Variants in TECRL observed in about 807,000 individuals in gnomAD.
TECRL encodes the protein trans-2,3-enoyl-CoA reductase like.
In TECRL, 63 loss-of-function variants were observed where a neutral mutation model predicts 52.8. The observed-to-expected ratio is 1.19, with a 90% confidence interval of 0.97 to 1.47. The LOEUF (loss-of-function observed/expected upper bound fraction) is 1.47. TECRL is among the 40% of genes most tolerant of loss of function. The pLI is 0.00. For missense variants in TECRL, 482 were observed against 429.6 expected, an observed-to-expected ratio of 1.12 and a Z score of -1.08; for synonymous variants, 164 against 141.9, an observed-to-expected ratio of 1.16 and a Z score of -1.10.
intron 1 of TECRL, among the ~76,000 whole-genome samples, chr4:64,385,264 A>G (rs1319926680): frequency 6.6e-6 from 1 of 152,032 alleles, no homozygotes; most frequent in Non-Finnish European, 1.5e-5. Flanking sequence ...CTTGTGGAGT[A>G]GTATTGTTGT....
chr4:64,299,808 A>G (rs917176125), intron 8 of TECRL, among the ~76,000 whole-genome samples, 166 bp downstream of exon 8: 1 of 150,902 alleles, frequency 6.6e-6, no homozygotes, highest in Non-Finnish European at 1.5e-5. Context: ...AGAGAGCTAA[A>G]GACTTGATTA....
intron 9 of TECRL, 143 bp downstream of exon 9, chr4:64,289,567 A>C (rs116187793): frequency 4.6e-6 from 3 of 651,730 alleles, no homozygotes; most frequent in Non-Finnish European, 7.5e-6. Context: ...ATTTGGAAAA[A>C]CTAGACATAA....
intron 9 of TECRL, among the ~76,000 whole-genome samples, chr4:64,285,631 A>C (rs1723041247): frequency 6.6e-6 from 1 of 152,178 alleles, no homozygotes; most frequent in African/African-American, 2.4e-5. Flanking sequence ...AAAATAATGC[A>C]TTGAGTATGT....
chr4:64,310,926 C>T (rs938368762), intron 5 of TECRL, among the ~76,000 whole-genome samples: 2 of 152,044 alleles, frequency 1.3e-5, no homozygotes, highest in Non-Finnish European at 2.9e-5. Context: ...AACCTTGTTG[C>T]CCAGGCTAGT....
intron 1 of TECRL, among the ~76,000 whole-genome samples, chr4:64,398,287 G>A (rs957393550): frequency 2.0e-5 from 3 of 152,142 alleles, no homozygotes; most frequent in African/African-American, 7.2e-5. Context: ...TAGTTTGGAT[G>A]TTGTCCCTGC....
At chr4:64,379,661 A>G (rs749378378) in intron 1 of TECRL, among the ~76,000 whole-genome samples, 5 of 152,112 alleles carry the variant, frequency 3.3e-5, no homozygotes, top group Non-Finnish European at 7.4e-5. Flanking sequence ...TCTGCTAAAT[A>G]TTATACTCTG....
chr4:64,295,601 A>C (rs2109962532), intron 8 of TECRL, among the ~76,000 whole-genome samples: 1 of 151,788 alleles, frequency 6.6e-6, no homozygotes, highest in Non-Finnish European at 1.5e-5. Flanking sequence ...AAAGAAAGTT[A>C]GTTTACATAC....
At chr4:64,395,824 C>T (rs1315270262) in intron 1 of TECRL, among the ~76,000 whole-genome samples, 1 of 152,150 alleles carries the variant, frequency 6.6e-6, no homozygotes, top group African/African-American at 2.4e-5. Flanking sequence ...TACTCTCCTT[C>T]TACCCTCCAC....
At chr4:64,302,911 T>C (rs1577834039) in intron 7 of TECRL, among the ~76,000 whole-genome samples, 1 of 151,480 alleles carries the variant, frequency 6.6e-6, no homozygotes, top group East Asian at 1.9e-4. Flanking sequence ...TTAATTATTA[T>C]TATATCTTTT....
intron 2 of TECRL, among the ~76,000 whole-genome samples, chr4:64,373,505 A>C (rs779952357): frequency 6.6e-6 from 1 of 151,936 alleles, no homozygotes; most frequent in Non-Finnish European, 1.5e-5. Context: ...GCGTTCCTTT[A>C]AAAGTTTAAG....
At chr4:64,289,234 C>G (rs1294300684) in intron 9 of TECRL, among the ~76,000 whole-genome samples, 1 of 152,098 alleles carries the variant, frequency 6.6e-6, no homozygotes, top group East Asian at 1.9e-4. Flanking sequence ...ATACTACTAA[C>G]TTTGAAATGT....
chr4:64,383,203 C>T (rs1231381111), intron 1 of TECRL, among the ~76,000 whole-genome samples: 1 of 151,988 alleles, frequency 6.6e-6, no homozygotes. Flanking sequence ...AGTATTCTCT[C>T]TGTCTTTGAT....
rs1723174652 is a variant in TECRL, at chr4:64,386,294, T to G, written c.235-11071A>C. ...AGAAAAGACAATATTATTAAGAAAA[T>G]TATAAGGAAGAAAAATTATATTTAC... On this transcript the variant is annotated intron_variant, in intron 1 of 11. Transcript: ENST00000381210. Among the ~76,000 whole-genome samples the G allele has an allele frequency of 2.0e-5, 3 of 152,062 alleles. No individual in the cohort carries two copies. In the South Asian group the frequency reaches 6.2e-4, roughly 32 times the overall value.
chr4:64,310,765 T>C (rs933872669), intron 5 of TECRL, among the ~76,000 whole-genome samples: 2 of 152,190 alleles, frequency 1.3e-5, no homozygotes, highest in African/African-American at 4.8e-5. Flanking sequence ...TCTTGCTGTG[T>C]TGTCCAGGCT....
intron 1 of TECRL, among the ~76,000 whole-genome samples, chr4:64,396,501 G>A (rs1447564147): frequency 1.3e-5 from 2 of 151,812 alleles, no homozygotes; most frequent in South Asian, 4.1e-4. Context: ...AAATGTGGTT[G>A]TTTGTTTTTT....
At chr4:64,287,353 T>C (rs1274939257) in intron 9 of TECRL, among the ~76,000 whole-genome samples, 1 of 152,214 alleles carries the variant, frequency 6.6e-6, no homozygotes, top group Non-Finnish European at 1.5e-5. Context: ...TTTTCCCTTG[T>C]AATTATATGT....
At chr4:64,316,242 C>T (rs1479718897) in intron 4 of TECRL, among the ~76,000 whole-genome samples, 1 of 151,950 alleles carries the variant, frequency 6.6e-6, no homozygotes, top group Non-Finnish European at 1.5e-5. Context: ...AATAAAAATG[C>T]TAACACAGAT....
chr4:64,290,235 C>G (rs1329419413), intron 8 of TECRL, among the ~76,000 whole-genome samples: 1 of 152,138 alleles, frequency 6.6e-6, no homozygotes, highest in Non-Finnish European at 1.5e-5. Context: ...TGCTGCCACA[C>G]AAAGAAACCT....
At chr4:64,292,948 T>A (rs552690586) in intron 8 of TECRL, among the ~76,000 whole-genome samples, 9 of 152,210 alleles carry the variant, frequency 5.9e-5, no homozygotes, top group South Asian at 4.1e-4. Context: ...AAAAAAAATT[T>A]AAATGAACCT....
Sources: gnomAD v4.1 joint callset for allele counts (sites outside exome capture counted in the v4.1 genomes callset) on GRCh38, gnomAD v4.1.1 for gene constraint, MANE v1.5 for transcripts, NCBI Gene and HGNC (gene_info 2026-07-23, HGNC 2026-07-21) for gene names.